Variants in FAM117A observed in about 807,000 individuals in gnomAD.
The protein encoded by FAM117A is protein FAM117A.
In FAM117A, 21 loss-of-function variants were observed where a neutral mutation model predicts 44.1. The ratio of observed to expected loss-of-function variants is 0.48; its 90% CI spans 0.34 to 0.69. The LOEUF (loss-of-function observed/expected upper bound fraction) is 0.69, where lower values mean the gene tolerates loss of function less well. FAM117A is among the 30% of genes least tolerant of loss of function. FAM117A has a pLI of 0.01. For synonymous variants in FAM117A, 220 were observed against 238.3 expected, an observed-to-expected ratio of 0.92 and a Z score of 0.71; for missense variants, 498 against 589.9, an observed-to-expected ratio of 0.84 and a Z score of 1.61.
chr17:49,744,784 C>A (rs1483654150), intron 1 of FAM117A, among the ~76,000 whole-genome samples: 6 of 151,314 alleles, frequency 4.0e-5, no homozygotes, highest in African/African-American at 1.5e-4. Context: ...GAGACTGGGG[C>A]AGGAGGATCA....
chr17:49,770,797 G>A (rs573685576), intron 1 of FAM117A, among the ~76,000 whole-genome samples: 22 of 152,150 alleles, frequency 1.4e-4, no homozygotes, highest in African/African-American at 5.1e-4. Context: ...CCAACTCCTC[G>A]GAAGGCTGCG....
chr17:49,739,209 C>T (rs1292872466), intron 1 of FAM117A, among the ~76,000 whole-genome samples: 1 of 152,130 alleles, frequency 6.6e-6, no homozygotes. Context: ...CAATTCATGT[C>T]CTTTAGGATT....
intron 1 of FAM117A, among the ~76,000 whole-genome samples, chr17:49,742,298 G>C (rs949754138): frequency 3.9e-5 from 6 of 152,164 alleles, no homozygotes; most frequent in African/African-American, 1.2e-4. Context: ...GTAGGCAGCT[G>C]GAGAGACAGG....
At chr17:49,786,771 TG>T (rs1470529216) in intron 1 of FAM117A, among the ~76,000 whole-genome samples, 1 of 125,914 alleles carries the variant, frequency 7.9e-6, no homozygotes, top group Non-Finnish European at 1.6e-5. Context: ...AGCAAAACCC[TG>T]TCTCAGAAAA....
intron 1 of FAM117A, among the ~76,000 whole-genome samples, chr17:49,743,500 C>T (rs569026803): frequency 1.2e-4 from 18 of 152,236 alleles, no homozygotes; most frequent in South Asian, 6.2e-4. Flanking sequence ...GAGGCTGAGG[C>T]GGGCGGATCA....
upstream of FAM117A, among the ~76,000 whole-genome samples, chr17:49,767,866 G>T (rs998030387): frequency 6.6e-6 from 1 of 152,040 alleles, no homozygotes; most frequent in Non-Finnish European, 1.5e-5. Context: ...TTGCACCACT[G>T]CGCTCCAGAC....
At chr17:49,760,378 T>C (rs2073718127) in intron 1 of FAM117A, among the ~76,000 whole-genome samples, 1 of 152,210 alleles carries the variant, frequency 6.6e-6, no homozygotes, top group African/African-American at 2.4e-5. Context: ...GTAAATATTT[T>C]AGGCTTTGTG....
intron 1 of FAM117A, among the ~76,000 whole-genome samples, chr17:49,772,286 C>T (rs953637832): frequency 1.3e-5 from 2 of 150,314 alleles, no homozygotes; most frequent in African/African-American, 4.9e-5. Context: ...AGGGAAACTC[C>T]ACCTCAAAAA....
At chr17:49,738,478 T>C (rs1165089938) in intron 1 of FAM117A, among the ~76,000 whole-genome samples, 4 of 152,166 alleles carry the variant, frequency 2.6e-5, no homozygotes, top group African/African-American at 9.7e-5. Context: ...CAATCCAGAA[T>C]CTGCAGCCCC....
At chr17:49,731,704 C>G (rs944650878) in intron 2 of FAM117A, among the ~76,000 whole-genome samples, 11 of 152,214 alleles carry the variant, frequency 7.2e-5, no homozygotes, top group Admixed American at 3.3e-4. Context: ...GCTCAGCATA[C>G]TTTTTGGCCA....
intron 1 of FAM117A, among the ~76,000 whole-genome samples, chr17:49,770,351 G>T (rs1347659888): frequency 6.7e-6 from 1 of 150,362 alleles, no homozygotes; most frequent in African/African-American, 2.4e-5. Flanking sequence ...ATTTGCTATA[G>T]CATGAATCGA....
At chr17:49,758,536 A>C in intron 1 of FAM117A, among the ~76,000 whole-genome samples, 1 of 151,038 alleles carries the variant, frequency 6.6e-6, no homozygotes, top group East Asian at 1.9e-4. Context: ...AGGCAGGAGA[A>C]CTGCTTGAAC....
chr17:49,770,237 T>C (rs961261469), intron 1 of FAM117A, among the ~76,000 whole-genome samples: 4 of 125,246 alleles, frequency 3.2e-5, no homozygotes, highest in Non-Finnish European at 6.2e-5. Flanking sequence ...GCCACTGCAC[T>C]CCAGCCTGGT....
chr17:49,772,474 G>A (rs969106694), intron 1 of FAM117A, among the ~76,000 whole-genome samples: 2 of 151,944 alleles, frequency 1.3e-5, no homozygotes, highest in Admixed American at 6.6e-5. Context: ...GGTGTTGGCC[G>A]GGCGCAGTGA....
rs189062791 is a variant in FAM117A, at chr17:49,736,921, G to A, written c.197-4201C>T. 2.4e-3 allele frequency among the ~76,000 whole-genome samples: 370 copies of A among 152,340 alleles called. 1 individual carries two copies. Among genetic ancestry groups the A allele is most frequent in the Non-Finnish European group, 3.7e-3 (250 of 68,032 alleles). ...ATAAACAGCCTGAGGCCAAGGGCAG[G>A]CTCTGTGTATCCCCCACAATGTCTA... On this transcript the variant is annotated intron_variant, in intron 1 of 7. Transcript: ENST00000240364.
intron 1 of FAM117A, among the ~76,000 whole-genome samples, chr17:49,739,275 A>G (rs150123282): frequency 8.1e-4 from 124 of 152,324 alleles, no homozygotes; most frequent in African/African-American, 2.7e-3. Context: ...CGTGCAGAGT[A>G]AGCCCTAGCC....
At chr17:49,781,397 C>T (rs2143806660) in intron 1 of FAM117A, among the ~76,000 whole-genome samples, 1 of 152,248 alleles carries the variant, frequency 6.6e-6, no homozygotes, top group East Asian at 1.9e-4. Flanking sequence ...GAAACAATGA[C>T]TTAAATTGGC....
chr17:49,722,054 G>C (rs1189053649), intron 3 of FAM117A, among the ~76,000 whole-genome samples: 1 of 152,146 alleles, frequency 6.6e-6, no homozygotes, highest in Admixed American at 6.5e-5. Context: ...AGCCGAGATC[G>C]TGCCACTGTA....
intron 3 of FAM117A, among the ~76,000 whole-genome samples, chr17:49,722,065 C>T (rs541713303): frequency 1.3e-5 from 2 of 152,336 alleles, no homozygotes; most frequent in South Asian, 2.1e-4. Flanking sequence ...TGCCACTGTA[C>T]TCCAGCCTGG....
Sources: allele counts gnomAD v4.1 joint callset (sites outside exome capture counted in the v4.1 genomes callset), GRCh38; gene constraint gnomAD v4.1.1; transcripts MANE v1.5; gene names NCBI Gene and HGNC (gene_info 2026-07-23, HGNC 2026-07-21).